SCAF11: variants seen among roughly 807,000 people sequenced by gnomAD.
SCAF11 encodes the protein SR-related CTD associated factor 11, also known as protein SCAF11.
A neutral mutation model predicts 140.5 loss-of-function variants in SCAF11; 47 were observed. The observed-to-expected ratio is 0.33, with a 90% CI of 0.26 to 0.43. The LOEUF (loss-of-function observed/expected upper bound fraction) is 0.43, where lower values mean the gene tolerates loss of function less well. Ranked by LOEUF, SCAF11 falls within the 20% of genes least tolerant of loss-of-function variation. The pLI is 1.00. For missense variants in SCAF11, 1,645 were observed against 1,705.1 expected (o/e 0.96, Z 0.62); for synonymous variants, 557 against 579.4 (o/e 0.96, Z 0.55).
At chr12:45,936,372 C>G (rs1240367238) in intron 6 of SCAF11, among the ~76,000 whole-genome samples, 1 of 151,998 alleles carries the variant, frequency 6.6e-6, no homozygotes, top group Non-Finnish European at 1.5e-5. Context: ...GAACTCCTGA[C>G]CTCAGGTGAT....
chr12:45,990,968 G>A (rs907790041), upstream of SCAF11, among the ~76,000 whole-genome samples: 2 of 152,262 alleles, frequency 1.3e-5, no homozygotes, highest in Non-Finnish European at 2.9e-5. Context: ...TACAGGCTGC[G>A]TCGCGGAGGA....
chr12:45,927,454 C>G lies in SCAF11; in HGVS notation c.2247G>C (p.Val749=). 6.2e-7 allele frequency: 1 copy of G among 1,613,438 alleles called. No individual in the cohort carries two copies. Among genetic ancestry groups the G allele is most frequent in the Non-Finnish European group, 8.5e-7 (1 of 1,179,878 alleles). The change falls in exon 11 of 15, where the codon GTG becomes GTC. Residue 749 remains valine, a synonymous_variant. Coordinates refer to ENST00000369367, the MANE Select transcript of SCAF11 (RefSeq NM_004719.3). Reference sequence around the variant, plus strand: ...GCATATTATTTTCAGAACAGTGTGTCACAGAATTTTCATTCATTTGTTTAA... The same window carrying G: ...GCATATTATTTTCAGAACAGTGTGTGACAGAATTTTCATTCATTTGTTTAA... The part of the protein sequence containing the change: ...ADLKQMNENS[V]THCSENNMPS...
intron 3 of SCAF11, chr12:45,956,095 C>A: frequency 1.4e-6 from 1 of 715,078 alleles, no homozygotes; most frequent in South Asian, 1.5e-5. Context: ...GAACAAGAAA[C>A]CTTCCTTATT....
chr12:45,945,444 G>C, intron 5 of SCAF11, 131 bp from the exon 6 acceptor site: 1 of 595,682 alleles, frequency 1.7e-6, no homozygotes, highest in Non-Finnish European at 2.9e-6. Flanking sequence ...GCTGAAATCT[G>C]GTAAATGGTT....
rs1262102132 is a variant in SCAF11, at chr12:45,930,445, G to GTT, written c.841+1059_841+1060dup. On this transcript the variant is annotated intron_variant, in intron 10 of 14. Coordinates refer to ENST00000369367, the MANE Select transcript of SCAF11 (RefSeq NM_004719.3). ...TAAACCAGGTTTTGCGTTGTGTTTT[G>GTT]TTTTTTTTTTGTTTTTTTTTTTTTT... Among the ~76,000 whole-genome samples the GTT allele has an allele frequency of 2.5e-3, 308 of 123,650 alleles. 12 individuals carry two copies. The highest frequency in any genetic ancestry group is 9.9e-3 in the African/African-American group (283 of 28,690). The allele number at this position is 123,650 out of a possible 152,430, so 81.1% of individuals were successfully genotyped here.
At chr12:45,956,246 T>A (rs1945690100) in intron 3 of SCAF11, 2 of 693,622 alleles carry the variant, frequency 2.9e-6, no homozygotes, top group Non-Finnish European at 5.3e-6. Context: ...TAAATCTCAA[T>A]ACCTATGTTT....
At position 45,921,956 on chromosome 12, in the gene SCAF11, A is replaced by C; in HGVS notation, c.*92T>G. The C allele has an allele frequency of 7.0e-7, 1 of 1,423,010 alleles. No homozygotes were observed. Among genetic ancestry groups the C allele is most frequent in the Non-Finnish European group, 9.5e-7 (1 of 1,056,398 alleles). 88.1% of individuals were successfully genotyped at this position (1,423,010 alleles called of 1,614,324 possible). ...AATAATTTTATCAAAACCAAATTTC[A>C]ATCACAGTTATGTATGATTTTCAGT... On this transcript the variant is annotated 3_prime_UTR_variant, in exon 15 of 15. Transcript: ENST00000369367.
Position 45,926,328 on chromosome 12 carries a change from G to C in SCAF11, c.3373C>G (p.Arg1125Gly). Residue 1125 changes from arginine (R) to glycine (G), a missense_variant, in exon 11 of 15, where the codon CGA becomes GGA. Arg to Gly is a moderately radical substitution (Grantham distance 125). Transcript: ENST00000369367. ...FKFVEQQSYK[R>G]KSEQEFSFDT... ...AATGAGAACTCCTGTTCACTTTTTCGCTTATAGGATTGCTGTTCCACAAAC... is the reference window on the plus strand; with the variant it reads ...AATGAGAACTCCTGTTCACTTTTTCCCTTATAGGATTGCTGTTCCACAAAC... 6.2e-7 allele frequency: 1 copy of C among 1,614,014 alleles called. No homozygotes were observed. The highest frequency in any genetic ancestry group is 8.5e-7 in the Non-Finnish European group (1 of 1,179,984).
chr12:45,978,328 A>C (rs1204929638), intron 1 of SCAF11, among the ~76,000 whole-genome samples: 5 of 152,208 alleles, frequency 3.3e-5, no homozygotes, highest in Admixed American at 6.5e-5. Flanking sequence ...TTACTGAAGT[A>C]CAATGACATA....
chr12:45,950,914 T>C (rs1945534337), intron 4 of SCAF11, among the ~76,000 whole-genome samples: 1 of 152,170 alleles, frequency 6.6e-6, no homozygotes. Context: ...CTTATGTTTA[T>C]ATTGAGTACT....
At chr12:45,929,033 C>A in intron 10 of SCAF11, 174 bp from the exon 11 acceptor site, 1 of 382,026 alleles carries the variant, frequency 2.6e-6, no homozygotes, top group Non-Finnish European at 4.5e-6. Flanking sequence ...ACTTATTCAT[C>A]AACTTTCTTA....
At chr12:45,930,542 C>T (rs1945018989) in intron 10 of SCAF11, among the ~76,000 whole-genome samples, 1 of 151,190 alleles carries the variant, frequency 6.6e-6, no homozygotes. Flanking sequence ...TAGCCTCAAC[C>T]TCCCAGACAT....
chr12:45,971,650 G>A (rs1358187662), intron 1 of SCAF11, among the ~76,000 whole-genome samples: 1 of 152,110 alleles, frequency 6.6e-6, no homozygotes, highest in East Asian at 1.9e-4. Flanking sequence ...GGGGAGGGGA[G>A]CTGGGGGTAA....
rs1381110008 is a variant in SCAF11 at position 45,924,962 on chromosome 12, C to G, written c.3672G>C (p.Gln1224His). ...CTGGATATGGGAAGATATTCATAGG[C>G]TGGTGTTGTGCATTCATTTGTTGCT... ...VMQQQMNAQH[Q>H]PMNIFPYPVG... Residue 1224 changes from glutamine (Q) to histidine (H), a missense_variant, in exon 12 of 15, where the codon CAG (glutamine) becomes CAC (histidine). Transcript: ENST00000369367. 6.2e-7 allele frequency: 1 copy of G among 1,614,096 alleles called. No individual in the cohort carries two copies. Among genetic ancestry groups the G allele is most frequent in the East Asian group, 2.2e-5 (1 of 44,880 alleles).
chr12:45,975,252 T>C (rs892828969), intron 1 of SCAF11: 2 of 152,240 alleles, frequency 1.3e-5, no homozygotes, highest in Non-Finnish European at 2.9e-5. Context: ...TATAAATTTA[T>C]AGTCACCAGC....
At chr12:45,979,148 G>A (rs1344074728) in intron 1 of SCAF11, among the ~76,000 whole-genome samples, 1 of 144,202 alleles carries the variant, frequency 6.9e-6, no homozygotes, top group Non-Finnish European at 1.5e-5. Flanking sequence ...TTATAAAAGG[G>A]CCCTGTTAGT....
chr12:45,956,116 G>T, intron 3 of SCAF11: 1 of 716,180 alleles, frequency 1.4e-6, no homozygotes. Context: ...TGGGAATTCA[G>T]GATCCTCGAT....
chr12:45,928,796 G>T lies in SCAF11; in HGVS notation c.905C>A (p.Ser302Tyr). The T allele has an allele frequency of 6.2e-7, 1 of 1,613,054 alleles. No individual in the cohort carries two copies. The highest frequency in any genetic ancestry group is 8.5e-7 in the Non-Finnish European group (1 of 1,179,926). ...TGATCCTCTGGTATTTGATGTACCA[G>T]AAGTTTGCTTCTTTTCTTCCCCTTC... is the stretch of plus-strand genomic sequence containing the variant. ...TQEGEEKKQT[S>Y]GTSNTRGSRR... Residue 302 changes from serine (S) to tyrosine (Y), a missense_variant, in exon 11 of 15, where the codon TCT becomes TAT. This residue lies in a region of SCAF11 where 1,582 missense variants were observed against 1,609.2 expected (regional missense o/e 0.98). Transcript: ENST00000369367.
At chr12:45,950,354 G>A (rs1270592053) in intron 4 of SCAF11, among the ~76,000 whole-genome samples, 2 of 152,128 alleles carry the variant, frequency 1.3e-5, no homozygotes, top group African/African-American at 4.8e-5. Flanking sequence ...GAATGTGGAA[G>A]ATATCTCATG....
Sources: allele counts gnomAD v4.1 joint callset (sites outside exome capture counted in the v4.1 genomes callset), GRCh38; gene constraint gnomAD v4.1.1; regional missense constraint gnomAD v4.1.1; transcripts MANE v1.5; gene names NCBI Gene and HGNC (gene_info 2026-07-23, HGNC 2026-07-21).